RAPH1: variants seen among roughly 807,000 people sequenced by gnomAD.
RAPH1 encodes ras-associated and pleckstrin homology domains-containing protein 1.
RAPH1 carries 18 observed loss-of-function variants against 88.1 expected under a neutral mutation model. The ratio of observed to expected loss-of-function variants is 0.20; its 90% CI spans 0.14 to 0.30. The LOEUF is 0.30. RAPH1 is among the 10% of genes least tolerant of loss of function. RAPH1 has a pLI of 1.00. For synonymous variants in RAPH1, 587 were observed against 559.0 expected (o/e 1.05, Z -0.71); for missense variants, 1,448 against 1,543.2 (o/e 0.94, Z 1.03).
At chr2:203,494,838 A>G (rs960346114) in intron 2 of RAPH1, among the ~76,000 whole-genome samples, 5 of 151,908 alleles carry the variant, frequency 3.3e-5, no homozygotes, top group African/African-American at 1.2e-4. Flanking sequence ...AAAAAAAAGA[A>G]AAACAGAAAA....
In RAPH1 at chr2:203,435,047, A is replaced by G. The variant is rs1317846367; in HGVS notation, c.*4390T>C. ...TTACAGCAAGTATTTTCTCTTTAAAACGGTTTATTACTTCAACAAGCAAAG... is the reference window on the plus strand; with the variant it reads ...TTACAGCAAGTATTTTCTCTTTAAAGCGGTTTATTACTTCAACAAGCAAAG... On this transcript the variant is annotated 3_prime_UTR_variant, in exon 14 of 14. Coordinates refer to ENST00000319170, the MANE Select transcript of RAPH1 (RefSeq NM_213589.3). The G allele has an allele frequency of 6.6e-6, 1 of 152,622 alleles. No homozygotes were observed. The allele number at this position is 152,622 out of a possible 1,614,324, so 9.5% of individuals were successfully genotyped here. A position where few individuals can be genotyped will look rare whatever the true frequency, so the allele number is the denominator to read the frequency against.
rs371815663 is a variant in RAPH1, at chr2:203,482,806, A to AAAAAC, written c.732+6773_732+6777dup. ...TGACAGAACGAGAATCTGTCTCAAAAAAAACAAAACAAAACAAAACAAAAC... is the reference window on the plus strand; with the variant it reads ...TGACAGAACGAGAATCTGTCTCAAAAAAAACAAAACAAAACAAAACAAAACAAAAC... On this transcript the variant is annotated intron_variant, in intron 4 of 13. Coordinates refer to ENST00000319170, the MANE Select transcript of RAPH1 (RefSeq NM_213589.3). 7.0e-3 allele frequency among the ~76,000 whole-genome samples: 1,065 copies of AAAAAC among 151,692 alleles called. 3 individuals are homozygous for AAAAAC. The highest frequency in any genetic ancestry group is 0.051 in the Middle Eastern group (15 of 292).
chr2:203,445,004 T>C lies in RAPH1; in HGVS notation c.1640A>G (p.Gln547Arg), dbSNP rs1246862687. ...ATCAGACTGATTGGAGTGGTTTGAC[T>C]GAGACTCTGTTTAAAATAGTTTTTT... ...GSSSSSIPES[Q>R]SNHSNQSDSG... Residue 547 changes from glutamine to arginine, a missense_variant, in exon 13 of 14, where the codon CAG (glutamine) becomes CGG (arginine). This residue lies in a region of RAPH1 where 513 missense variants were observed against 653.1 expected (regional missense o/e 0.79). Coordinates refer to ENST00000319170, the MANE Select transcript of RAPH1 (RefSeq NM_213589.3). 3.7e-6 allele frequency: 6 copies of C among 1,611,854 alleles called. No homozygotes were observed. Among genetic ancestry groups the C allele is most frequent in the Non-Finnish European group, 5.1e-6 (6 of 1,179,458 alleles).
intron 6 of RAPH1, 71 bp from the exon 7 acceptor site, chr2:203,460,099 G>C (rs1481521101): frequency 1.5e-6 from 2 of 1,363,444 alleles, no homozygotes; most frequent in Non-Finnish European, 2.0e-6. Flanking sequence ...GAAACTTTGT[G>C]AAGTAGTTAA....
Position 203,439,531 on chromosome 2 carries a change from C to G in RAPH1, c.3659G>C (p.Gly1220Ala). The change falls in exon 14 of 14, where the codon GGC (glycine) becomes GCC (alanine). Residue 1220 changes from glycine to alanine, a missense_variant. Transcript: ENST00000319170. Reference sequence around the variant, plus strand: ...CGTTGCATAGCCTGATATATGACTGCCTCCGTAACCAGCCTTCTGTTGATC... The same window carrying G: ...CGTTGCATAGCCTGATATATGACTGGCTCCGTAACCAGCCTTCTGTTGATC... The part of the protein sequence containing the change: ...LSDQQKAGYG[G>A]SHISGYATLR... 6.2e-7 allele frequency: 1 copy of G among 1,614,138 alleles called. No individual in the cohort carries two copies. Among genetic ancestry groups the G allele is most frequent in the Non-Finnish European group, 8.5e-7 (1 of 1,180,024 alleles).
chr2:203,510,204 C>T (rs1413250126), intron 1 of RAPH1, among the ~76,000 whole-genome samples: 2 of 151,756 alleles, frequency 1.3e-5, no homozygotes, highest in African/African-American at 2.4e-5. Flanking sequence ...ATACTGTCGG[C>T]GCCTGCCTGT....
In RAPH1 at chr2:203,448,113, C is replaced by T. The variant is rs757776814; in HGVS notation, c.1513-34G>A. On this transcript the variant is annotated intron_variant, in intron 11 of 13. Coordinates refer to ENST00000319170, the MANE Select transcript of RAPH1 (RefSeq NM_213589.3). The surrounding 1 kb of genome is among the most constrained non-coding windows in gnomAD (Gnocchi z 4.1). ...AAGACAGGAAATGGTGACATCTAAACTTTACTGAGTATGATACAGAAGGAT... is the reference window on the plus strand; with the variant it reads ...AAGACAGGAAATGGTGACATCTAAATTTTACTGAGTATGATACAGAAGGAT... The T allele has an allele frequency of 1.5e-4, 236 of 1,607,680 alleles. No homozygotes were observed. Among genetic ancestry groups the T allele is most frequent in the Non-Finnish European group, 1.9e-4 (228 of 1,175,580 alleles).
In RAPH1 at chr2:203,528,979, C is replaced by CTATATATATA. The variant is rs71408946; in HGVS notation, c.-1+6122_-1+6131dup. On this transcript the variant is annotated intron_variant, in intron 1 of 13. Transcript: ENST00000319170. ...TCAAGTCATATTACTGGTTGTTTTG[C>CTATATATATA]TATATATATATATATATATATATAT... is the stretch of plus-strand genomic sequence containing the variant. Among the ~76,000 whole-genome samples the CTATATATATA allele has an allele frequency of 2.1e-3, 128 of 61,182 alleles. 2 individuals carry two copies. Among genetic ancestry groups the CTATATATATA allele is most frequent in the African/African-American group, 5.0e-3 (65 of 13,054 alleles). 40.1% of individuals were successfully genotyped at this position (61,182 alleles called of 152,430 possible). A position where few individuals can be genotyped will look rare whatever the true frequency, so the allele number is the denominator to read the frequency against.
At chr2:203,453,545 CAAAAAAAAAAAAAA>C (rs59304139) in intron 10 of RAPH1, among the ~76,000 whole-genome samples, 98 of 28,280 alleles carry the variant, frequency 3.5e-3, no homozygotes, top group African/African-American at 0.01. Context: ...GACCCTGCCT[CAAAAAAAAAAAAAA>C]AAAAAAAAAA....
intron 8 of RAPH1, among the ~76,000 whole-genome samples, chr2:203,456,531 TAAAG>T (rs2098519723): frequency 6.6e-6 from 1 of 152,124 alleles, no homozygotes. Flanking sequence ...AATCTAATAT[TAAAG>T]AAATCAATCA....
At chr2:203,530,735 TAC>T (rs1690352269) in intron 1 of RAPH1, among the ~76,000 whole-genome samples, 1 of 151,626 alleles carries the variant, frequency 6.6e-6, no homozygotes. Flanking sequence ...CTACTAAAAA[TAC>T]AAAAATGAGC....
intron 3 of RAPH1, among the ~76,000 whole-genome samples, chr2:203,490,324 A>T (rs767311339): frequency 6.6e-6 from 1 of 152,248 alleles, no homozygotes; most frequent in Non-Finnish European, 1.5e-5. Context: ...AGACAAAAAC[A>T]CTACAAAAAT....
At chr2:203,506,795 T>G (rs1689049364) in intron 1 of RAPH1, among the ~76,000 whole-genome samples, 1 of 115,706 alleles carries the variant, frequency 8.6e-6, no homozygotes, top group Non-Finnish European at 1.7e-5. Flanking sequence ...TATATATATC[T>G]ATATATATAT....
At chr2:203,444,033 AAAGGAAGGG>A (rs1475018090) in intron 13 of RAPH1, 1 of 135,708 alleles carries the variant, frequency 7.4e-6, no homozygotes, top group Non-Finnish European at 1.6e-5. Flanking sequence ...AGAAGGAAGG[AAAGGAAGGG>A]AAGGAAGGGA....
intron 1 of RAPH1, among the ~76,000 whole-genome samples, chr2:203,502,319 G>C (rs1688772028): frequency 6.6e-6 from 1 of 152,134 alleles, no homozygotes; most frequent in Non-Finnish European, 1.5e-5. Flanking sequence ...TAGGAAAGAT[G>C]ATTTACACCC....
intron 1 of RAPH1, among the ~76,000 whole-genome samples, chr2:203,509,379 T>G (rs956387870): frequency 3.9e-5 from 6 of 152,166 alleles, no homozygotes; most frequent in Non-Finnish European, 8.8e-5. Context: ...ATAAGTAATT[T>G]TTTAAAAAGT....
intron 4 of RAPH1, among the ~76,000 whole-genome samples, chr2:203,476,727 G>C (rs539446965): frequency 2.0e-5 from 3 of 152,164 alleles, no homozygotes; most frequent in Non-Finnish European, 4.4e-5. Flanking sequence ...CATCAGTGCA[G>C]AAGAATCATT....
In RAPH1 at chr2:203,528,976, T is replaced by G. The variant is rs549499358; in HGVS notation, c.-1+6135A>C. 2.7e-3 allele frequency among the ~76,000 whole-genome samples: 372 copies of G among 137,988 alleles called. 2 individuals carry two copies. Among genetic ancestry groups the G allele is most frequent in the Non-Finnish European group, 4.4e-3 (287 of 65,240 alleles). The allele number at this position is 137,988 out of a possible 152,430, so 90.5% of individuals were successfully genotyped here. ...TTTTCAAGTCATATTACTGGTTGTTTTGCTATATATATATATATATATATA... is the reference window on the plus strand; with the variant it reads ...TTTTCAAGTCATATTACTGGTTGTTGTGCTATATATATATATATATATATA... On this transcript the variant is annotated intron_variant, in intron 1 of 13. Transcript: ENST00000319170.
rs1237079403 is a variant in RAPH1 at position 203,435,770 on chromosome 2, T to C, written c.*3667A>G. On this transcript the variant is annotated 3_prime_UTR_variant, in exon 14 of 14. Transcript: ENST00000319170. ...TGTACAAAAATAGGAATGGGTTTTT[T>C]ACCTGTTTAAAGTCACTTTGTGTTT... 6.6e-6 allele frequency: 1 copy of C among 152,224 alleles called. No homozygotes were observed. Among genetic ancestry groups the C allele is most frequent in the South Asian group, 2.1e-4 (1 of 4,828 alleles). The allele number at this position is 152,224 out of a possible 1,614,324, so 9.4% of individuals were successfully genotyped here. A position where few individuals can be genotyped will look rare whatever the true frequency, so the allele number is the denominator to read the frequency against.
Sources: gnomAD v4.1 joint callset for allele counts (sites outside exome capture counted in the v4.1 genomes callset) on GRCh38, gnomAD v4.1.1 for gene constraint, gnomAD v4.1.1 regional missense constraint, Gnocchi (gnomAD v3.1) non-coding constraint, MANE v1.5 for transcripts, NCBI Gene and HGNC (gene_info 2026-07-23, HGNC 2026-07-21) for gene names.